Variants in LRRC56 observed in about 807,000 individuals in gnomAD.
LRRC56 encodes leucine rich repeat containing 56.
LRRC56 carries 41 observed loss-of-function variants against 47.8 expected under a neutral mutation model. The ratio of observed to expected loss-of-function variants is 0.86; its 90% CI spans 0.67 to 1.11. The LOEUF is 1.11. Ranked by LOEUF, LRRC56 falls within the 50% of genes most tolerant of loss-of-function variation. The probability of loss-of-function intolerance (pLI) is 0.00; values close to 1 mark genes in which losing one functional copy is unlikely to be tolerated. For synonymous variants in LRRC56, 387 were observed against 311.2 expected, an observed-to-expected ratio of 1.24 and a Z score of -2.56; for missense variants, 759 against 704.2, an observed-to-expected ratio of 1.08 and a Z score of -0.88.
rs529061999 is a variant in LRRC56 at position 552,718 on chromosome 11, G to A, written c.1315+16G>A. 5.1e-5 allele frequency: 81 copies of A among 1,585,958 alleles called. 1 individual carries two copies. In the South Asian group the frequency reaches 5.6e-4, roughly 11 times the overall value. On this transcript the variant is annotated intron_variant, in intron 13 of 13. Coordinates refer to ENST00000270115, the MANE Select transcript of LRRC56 (RefSeq NM_198075.4). ...CTGGCCTCAGGTACTGAGCCTGCCC[G>A]CCTGCCCCCCAGTGCCTGGGAGTGA...
intron 6 of LRRC56, among the ~76,000 whole-genome samples, chr11:545,162 G>A (rs985154491): frequency 1.3e-5 from 2 of 152,190 alleles, no homozygotes; most frequent in African/African-American, 4.8e-5. Flanking sequence ...TGCAATGGGT[G>A]GGAGCCCCTG....
the LRRC56 span, among the ~76,000 whole-genome samples, chr11:522,237 G>A: frequency 6.6e-6 from 1 of 151,582 alleles, no homozygotes; most frequent in Non-Finnish European, 1.5e-5. Flanking sequence ...CACCACAATG[G>A]CTGGCTGATT....
At chr11:513,205 G>T in the LRRC56 span, among the ~76,000 whole-genome samples, 1 of 152,178 alleles carries the variant, frequency 6.6e-6, no homozygotes, top group East Asian at 1.9e-4. Flanking sequence ...ACGCAGGCTG[G>T]AGCGCAGTGG....
At chr11:520,905 A>C in the LRRC56 span, among the ~76,000 whole-genome samples, 1 of 152,162 alleles carries the variant, frequency 6.6e-6, no homozygotes, top group Non-Finnish European at 1.5e-5. Context: ...GGTTCCATTC[A>C]ACAGAATTGG....
At chr11:528,291 G>C in the LRRC56 span, among the ~76,000 whole-genome samples, 3 of 152,354 alleles carry the variant, frequency 2.0e-5, no homozygotes, top group South Asian at 6.2e-4. Flanking sequence ...GCAGGGATGT[G>C]ATCCGACGGG....
chr11:550,421 G>A (rs1253175731), intron 8 of LRRC56, 149 bp downstream of exon 8: 4 of 780,994 alleles, frequency 5.1e-6, no homozygotes, highest in Non-Finnish European at 7.9e-6. Flanking sequence ...CTCTGTCACT[G>A]GAAGTCTGAC....
chr11:511,752 C>T, the LRRC56 span, among the ~76,000 whole-genome samples: 1 of 152,206 alleles, frequency 6.6e-6, no homozygotes, highest in South Asian at 2.1e-4. Flanking sequence ...CTCTCCTTCC[C>T]TCCTGCACGG....
chr11:536,883 G>A (rs1015384153), upstream of LRRC56: 1 of 152,266 alleles, frequency 6.6e-6, no homozygotes, highest in African/African-American at 2.4e-5. Context: ...GGTCCCGGGG[G>A]TCCCGCCTGC....
At chr11:528,667 C>A in the LRRC56 span, 3 of 152,216 alleles carry the variant, frequency 2.0e-5, no homozygotes, top group Non-Finnish European at 4.4e-5. Context: ...CGTCTCGAGC[C>A]ACGGGGGTGA....
upstream of LRRC56, chr11:537,503 C>T (rs1258869659): frequency 1.3e-5 from 2 of 152,292 alleles, no homozygotes; most frequent in Non-Finnish European, 2.9e-5. Context: ...GGCCGCAACC[C>T]CGCGGCGGCC....
the LRRC56 span, among the ~76,000 whole-genome samples, chr11:513,228 T>C: frequency 6.6e-6 from 1 of 152,226 alleles, no homozygotes; most frequent in African/African-American, 2.4e-5. Context: ...CAATCTCGGC[T>C]CACTGCAACC....
chr11:550,253 C>T lies in LRRC56; in HGVS notation c.605C>T (p.Ala202Val), dbSNP rs750930970. 2 of 1,598,554 alleles carry T rather than the reference C, an allele frequency of 1.3e-6. No homozygotes were observed. The highest frequency in any genetic ancestry group is 1.7e-6 in the Non-Finnish European group (2 of 1,172,264). ...GGCAACCTGGTGTGCCTACAGCCGGCCCCTGGCCCCACCAACAAGGTGCGT... is the reference window on the plus strand; with the variant it reads ...GGCAACCTGGTGTGCCTACAGCCGGTCCCTGGCCCCACCAACAAGGTGCGT... ...LEGNLVCLQP[A>V]PGPTNKVPRG... Residue 202 changes from alanine (A) to valine (V), a missense_variant, in exon 8 of 14, where the codon GCC becomes GTC. Transcript: ENST00000270115.
At chr11:526,207 A>G in the LRRC56 span, among the ~76,000 whole-genome samples, 1 of 152,186 alleles carries the variant, frequency 6.6e-6, no homozygotes, top group African/African-American at 2.4e-5. Flanking sequence ...TCCGTCTCAA[A>G]AGTAATAAAA....
intron 1 of LRRC56, among the ~76,000 whole-genome samples, chr11:538,193 C>A (rs1484563899): frequency 1.3e-5 from 2 of 152,142 alleles, no homozygotes; most frequent in Non-Finnish European, 2.9e-5. Flanking sequence ...CACCCCCAGG[C>A]CTTGGGGCTC....
In LRRC56 at chr11:547,908, A is replaced by G. The variant is rs1054134334; in HGVS notation, c.327-1994A>G. 3.3e-5 allele frequency among the ~76,000 whole-genome samples: 5 copies of G among 152,078 alleles called. No homozygotes were observed. In the East Asian group the frequency reaches 9.8e-4, roughly 30 times the overall value. ...TTTGGGAGGCCAAGGCGAGTGGAAC[A>G]TGAGGTCAGCAGTTCAAGACCAGCC... On this transcript the variant is annotated intron_variant, in intron 6 of 13. Coordinates refer to ENST00000270115, the MANE Select transcript of LRRC56 (RefSeq NM_198075.4).
At chr11:508,246 G>A in the LRRC56 span, among the ~76,000 whole-genome samples, 2 of 152,194 alleles carry the variant, frequency 1.3e-5, no homozygotes, top group Admixed American at 6.5e-5. Context: ...GCTCGCTGCA[G>A]CCTCCACCTC....
At chr11:543,017 G>A (rs1464516254) in intron 5 of LRRC56, among the ~76,000 whole-genome samples, 3 of 150,322 alleles carry the variant, frequency 2.0e-5, no homozygotes, top group Admixed American at 6.7e-5. Flanking sequence ...TCAGCCTCCC[G>A]AGTAGCTGAG....
At chr11:531,090 C>CGAGTGTGGCGTCCCCTGGAGAGAAGGGG in the LRRC56 span, among the ~76,000 whole-genome samples, 2 of 95,228 alleles carry the variant, frequency 2.1e-5, no homozygotes, top group African/African-American at 8.9e-5. Context: ...GAGAGAAGGG[C>CGAGTGTGGCGTCCCCTGGAGAGAAGGGG]GAGTGTGGCG....
At chr11:508,256 C>G in the LRRC56 span, among the ~76,000 whole-genome samples, 1 of 152,218 alleles carries the variant, frequency 6.6e-6, no homozygotes, top group Non-Finnish European at 1.5e-5. Flanking sequence ...GCCTCCACCT[C>G]CCGGACTCCA....
Sources: allele counts gnomAD v4.1 joint callset (sites outside exome capture counted in the v4.1 genomes callset), GRCh38; gene constraint gnomAD v4.1.1; transcripts MANE v1.5; gene names NCBI Gene and HGNC (gene_info 2026-07-23, HGNC 2026-07-21).